The following RTF2 variants were observed in gnomAD, a reference collection of about 807,000 sequenced individuals.
The protein encoded by RTF2 is UPF0549 protein C20orf43.
Under a neutral mutation model 38.0 loss-of-function variants are expected in RTF2, and 18 were observed. The observed-to-expected ratio is 0.47, with a 90% CI of 0.33 to 0.70. The LOEUF (loss-of-function observed/expected upper bound fraction) is 0.70. Ranked by LOEUF, RTF2 falls within the 30% of genes least tolerant of loss-of-function variation. The probability of loss-of-function intolerance (pLI) is 0.02; values close to 1 mark genes in which losing one functional copy is unlikely to be tolerated. For synonymous variants in RTF2, 126 were observed against 137.1 expected (o/e 0.92, Z 0.57); for missense variants, 311 against 379.6 (o/e 0.82, Z 1.50).
At chr20:56,488,995 G>A (rs1982942555) in intron 5 of RTF2, among the ~76,000 whole-genome samples, 1 of 152,108 alleles carries the variant, frequency 6.6e-6, no homozygotes, top group African/African-American at 2.4e-5. Flanking sequence ...CCCAGTCTCA[G>A]GCTTTTACAT....
At chr20:56,496,884 G>A in intron 5 of RTF2, 1 of 1,551,658 alleles carries the variant, frequency 6.4e-7, no homozygotes, top group South Asian at 1.2e-5. Flanking sequence ...ACTTGTCTTG[G>A]ATTTAATGTG....
intron 3 of RTF2, among the ~76,000 whole-genome samples, chr20:56,475,373 A>G (rs1982187355): frequency 6.6e-6 from 1 of 152,236 alleles, no homozygotes; most frequent in African/African-American, 2.4e-5. Flanking sequence ...TACTTAAACC[A>G]GAACCAGATC....
chr20:56,470,869 C>A (rs1460378243), intron 1 of RTF2: 2 of 300,680 alleles, frequency 6.7e-6, no homozygotes, highest in African/African-American at 2.2e-5. Flanking sequence ...GCACTTGGGA[C>A]CCTTCCAGAT....
intron 5 of RTF2, chr20:56,497,620 C>T: frequency 1.6e-6 from 2 of 1,274,842 alleles, no homozygotes; most frequent in African/African-American, 1.6e-5. Flanking sequence ...TCTTGAGCTC[C>T]AGGTGCATTC....
At chr20:56,491,814 C>CTT in intron 5 of RTF2, 1 of 1,491,248 alleles carries the variant, frequency 6.7e-7, no homozygotes, top group Non-Finnish European at 9.1e-7. Flanking sequence ...ACCTAGCTGC[C>CTT]TTTGTTTCCT....
At position 56,497,912 on chromosome 20, in the gene RTF2, T is replaced by G. The variant is rs965632139; in HGVS notation, c.477+13723T>G. Among the ~76,000 whole-genome samples the G allele has an allele frequency of 9.9e-5, 15 of 152,258 alleles. No individual in the cohort carries two copies. The East Asian group carries it at 2.7e-3, about 27-fold the overall frequency. On this transcript the variant is annotated intron_variant, in intron 5 of 8. Coordinates refer to ENST00000357348, the MANE Select transcript of RTF2 (RefSeq NM_016407.5). Reference sequence around the variant, plus strand: ...GTCAGTGTGTAACTCTTTAAGAAACTGCCAAACTGTTTTCCACAGTGGTTG... The same window carrying G: ...GTCAGTGTGTAACTCTTTAAGAAACGGCCAAACTGTTTTCCACAGTGGTTG...
In RTF2 at chr20:56,499,646, A is replaced by G. The variant is rs575389368; in HGVS notation, c.478-13669A>G. ...CCTATAAGAATTTTGATTAAAGATA[A>G]ACCAGATACCATAGTTTGTCATATC... On this transcript the variant is annotated intron_variant, in intron 5 of 8. Transcript: ENST00000357348. Among the ~76,000 whole-genome samples, 136 of 152,278 alleles carry G rather than the reference A, an allele frequency of 8.9e-4. 1 individual carries two copies. Among genetic ancestry groups the G allele is most frequent in the Middle Eastern group, 3.4e-3 (1 of 294 alleles).
intron 5 of RTF2, among the ~76,000 whole-genome samples, chr20:56,493,881 G>A (rs768493051): frequency 2.0e-5 from 3 of 152,162 alleles, no homozygotes; most frequent in Non-Finnish European, 4.4e-5. Flanking sequence ...TGGTTCTAAT[G>A]GGATAGCTGT....
chr20:56,489,602 G>A (rs1982988204), intron 5 of RTF2, among the ~76,000 whole-genome samples: 1 of 152,132 alleles, frequency 6.6e-6, no homozygotes, highest in African/African-American at 2.4e-5. Flanking sequence ...TCCGTTAAAA[G>A]TGTCAGCCAT....
At chr20:56,491,890 T>TGAGGC in intron 5 of RTF2, 3 of 711,448 alleles carry the variant, frequency 4.2e-6, no homozygotes, top group Non-Finnish European at 7.2e-6. Context: ...GAGCCTCAGC[T>TGAGGC]TCACCAGAGT....
chr20:56,468,800 G>A (rs1454965000), intron 1 of RTF2, 34 bp downstream of exon 1: 1 of 1,541,248 alleles, frequency 6.5e-7, no homozygotes, highest in Non-Finnish European at 8.8e-7. Flanking sequence ...GGCGACCGGG[G>A]GTGGTGGGAA....
intron 5 of RTF2, among the ~76,000 whole-genome samples, chr20:56,506,323 A>C (rs6092324): frequency 6.6e-6 from 1 of 151,928 alleles, no homozygotes; most frequent in Non-Finnish European, 1.5e-5. Flanking sequence ...GCCATGGGGT[A>C]CTGCACAGGA....
intron 3 of RTF2, 137 bp from the exon 4 acceptor site, chr20:56,476,848 T>C (rs1982272192): frequency 1.3e-6 from 1 of 776,930 alleles, no homozygotes; most frequent in Non-Finnish European, 2.1e-6. Flanking sequence ...ATGTTTCTTA[T>C]GGACCAGAGG....
intron 5 of RTF2, among the ~76,000 whole-genome samples, chr20:56,493,203 GTTT>G (rs1334519704): frequency 6.6e-6 from 1 of 152,082 alleles, no homozygotes; most frequent in Non-Finnish European, 1.5e-5. Flanking sequence ...AGGAAATACT[GTTT>G]TTAAAAGGGG....
chr20:56,503,129 T>C (rs1740361498), intron 5 of RTF2, among the ~76,000 whole-genome samples: 2 of 152,246 alleles, frequency 1.3e-5, no homozygotes, highest in South Asian at 4.1e-4. Flanking sequence ...AAAGTCTCTG[T>C]AGCCACACAT....
intron 6 of RTF2, among the ~76,000 whole-genome samples, 165 bp downstream of exon 6, chr20:56,513,593 C>T (rs1306973766): frequency 6.6e-6 from 1 of 152,188 alleles, no homozygotes; most frequent in Non-Finnish European, 1.5e-5. Flanking sequence ...GAGGCCCAGG[C>T]ACTGCCTTGC....
In RTF2 at chr20:56,506,067, G is replaced by A. The variant is rs536825823; in HGVS notation, c.478-7248G>A. 1.8e-4 allele frequency among the ~76,000 whole-genome samples: 27 copies of A among 152,218 alleles called. No individual in the cohort carries two copies. The South Asian group carries it at 2.5e-3, about 14-fold the overall frequency. ...GATGTATATTTTCATGCAAGCTTTT[G>A]GGAGAACTGCTTGGCTTTAAAATCT... is the stretch of plus-strand genomic sequence containing the variant. On this transcript the variant is annotated intron_variant, in intron 5 of 8. Transcript: ENST00000357348.
chr20:56,495,444 G>A (rs1983462344), intron 5 of RTF2: 1 of 672,762 alleles, frequency 1.5e-6, no homozygotes, highest in Admixed American at 2.6e-5. Flanking sequence ...TCCTTGAGAT[G>A]TTTCACTTGT....
intron 6 of RTF2, chr20:56,515,592 A>G (rs1376771015): frequency 2.1e-5 from 2 of 95,110 alleles, no homozygotes; most frequent in Non-Finnish European, 4.2e-5. Context: ...AGAGAGAGAG[A>G]GAGAGAGACA....
Sources: gnomAD v4.1 joint callset for allele counts (sites outside exome capture counted in the v4.1 genomes callset) on GRCh38, gnomAD v4.1.1 for gene constraint, MANE v1.5 for transcripts, NCBI Gene and HGNC (gene_info 2026-07-23, HGNC 2026-07-21) for gene names.